The following PINK1 variants were observed in gnomAD, a reference collection of about 807,000 sequenced individuals.
PINK1 encodes serine/threonine-protein kinase PINK1, mitochondrial.
A neutral mutation model predicts 56.0 loss-of-function variants in PINK1; 58 were observed. That is an observed-to-expected ratio of 1.04 (90% CI 0.84 to 1.29). The LOEUF (loss-of-function observed/expected upper bound fraction) is 1.29, where lower values mean the gene tolerates loss of function less well. Ranked by LOEUF, PINK1 falls within the 50% of genes most tolerant of loss-of-function variation. The probability of loss-of-function intolerance (pLI) is 0.00; values close to 1 mark genes in which losing one functional copy is unlikely to be tolerated. For synonymous variants in PINK1, 354 were observed against 339.3 expected, an observed-to-expected ratio of 1.04 and a Z score of -0.48; for missense variants, 745 against 777.9, an observed-to-expected ratio of 0.96 and a Z score of 0.50.
chr1:20,638,220 G>C, intron 2 of PINK1, 91 bp downstream of exon 2: 1 of 1,449,480 alleles, frequency 6.9e-7, no homozygotes, highest in South Asian at 1.2e-5. Context: ...GAAGTAGGTA[G>C]GAAAAGACAG....
rs1236879959 is a variant in PINK1 at position 20,644,757 on chromosome 1, AG to A, written c.959+90del. ...CCTGCCCTCCATGTGCACCTTGATC[AG>A]GGGGTTTTGGAGAACAGGGTCATCA... is the stretch of plus-strand genomic sequence containing the variant. On this transcript the variant is annotated intron_variant, in intron 4 of 7. Transcript: ENST00000321556. 20 of 1,529,216 alleles carry A rather than the reference AG, an allele frequency of 1.3e-5. No individual in the cohort carries two copies. In the African/African-American group the frequency reaches 2.6e-4, roughly 20 times the overall value. 94.7% of individuals were successfully genotyped at this position (1,529,216 alleles called of 1,614,324 possible). A position where few individuals can be genotyped will look rare whatever the true frequency, so the allele number is the denominator to read the frequency against.
chr1:20,650,359 C>T (rs899440795), intron 7 of PINK1, 75 bp from the exon 8 acceptor site: 4 of 1,584,540 alleles, frequency 2.5e-6, no homozygotes, highest in Non-Finnish European at 3.4e-6. Flanking sequence ...AGGGAAGACC[C>T]TCACTAACAA....
chr1:20,645,492 A>AAG, intron 4 of PINK1, 68 bp from the exon 5 acceptor site: 5 of 1,467,302 alleles, frequency 3.4e-6, no homozygotes, highest in Non-Finnish European at 4.6e-6. Context: ...CATCTCAAAA[A>AAG]AAAAAAAAAA....
rs140035826 is a variant in PINK1 at position 20,637,336 on chromosome 1, A to T, written c.388-506A>T. Among the ~76,000 whole-genome samples, 3 of 149,302 alleles carry T rather than the reference A, an allele frequency of 2.0e-5. No homozygotes were observed. The East Asian group carries it at 6.0e-4, about 30-fold the overall frequency. On this transcript the variant is annotated intron_variant, in intron 1 of 7. Coordinates refer to ENST00000321556, the MANE Select transcript of PINK1 (RefSeq NM_032409.3). ...CTACCTTTCTGGACAGAGTAGCCTC[A>T]TCGGGGCCCTAAGAGGCAGAGAGAG...
At chr1:20,646,421 A>G (rs3121681) in intron 5 of PINK1, among the ~76,000 whole-genome samples, 127,760 of 151,970 alleles carry the variant, frequency 0.84, 53,980 homozygotes, top group Middle Eastern at 0.9. Context: ...TGAGGCGGGC[A>G]GATCATGAGG....
Position 20,641,256 on chromosome 1 carries a change from T to G in PINK1, c.776+1264T>G, listed in dbSNP as rs1225177541. 6.6e-6 allele frequency among the ~76,000 whole-genome samples: 1 copy of G among 152,012 alleles called. No homozygotes were observed. Among genetic ancestry groups the G allele is most frequent in the Non-Finnish European group, 1.5e-5 (1 of 67,992 alleles). On this transcript the variant is annotated intron_variant, in intron 3 of 7. Coordinates refer to ENST00000321556, the MANE Select transcript of PINK1 (RefSeq NM_032409.3). This position sits in a 1 kb window ranked among gnomAD's most constrained non-coding sequence, Gnocchi z 4.0. ...GGTAGCTGCTCAAGTGGCTGCTGCT[T>G]CTCCTGAGGCCTTTTTGGAGAAAGT...
At position 20,649,231 on chromosome 1, in the gene PINK1, G is replaced by C; in HGVS notation, c.1488G>C (p.Lys496Asn). Residue 496 changes from lysine (K) to asparagine (N), a missense_variant and splice_region_variant, in exon 7 of 8, where the codon AAG (lysine) becomes AAC (asparagine). Physicochemically the swap from Lys to Asn is moderately conservative, Grantham distance 94. Coordinates refer to ENST00000321556, the MANE Select transcript of PINK1 (RefSeq NM_032409.3). ...VRALLQREAS[K>N]RPSARVAANV... ...CACTGCTCCAGCGAGAGGCCAGCAAGGTGAGGCTGTCCCCGGCTTCGAGGG... is the reference window on the plus strand; with the variant it reads ...CACTGCTCCAGCGAGAGGCCAGCAACGTGAGGCTGTCCCCGGCTTCGAGGG... The C allele has an allele frequency of 6.2e-7, 1 of 1,613,964 alleles. No homozygotes were observed. Among genetic ancestry groups the C allele is most frequent in the Non-Finnish European group, 8.5e-7 (1 of 1,179,888 alleles).
In PINK1 at chr1:20,641,336, T is replaced by G. The variant is rs549846178; in HGVS notation, c.776+1344T>G. On this transcript the variant is annotated intron_variant, in intron 3 of 7. Transcript: ENST00000321556. This position sits in a 1 kb window ranked among gnomAD's most constrained non-coding sequence, Gnocchi z 4.0. ...TAACATGATCCTTGATGCCTCCTTT[T>G]GTGGCATGAGTGGCAGCCGGCCGAC... 7.2e-5 allele frequency among the ~76,000 whole-genome samples: 11 copies of G among 152,260 alleles called. No homozygotes were observed. In the South Asian group the frequency reaches 2.1e-3, roughly 29 times the overall value.
rs180939187 is a variant in PINK1, at chr1:20,635,487, C to G, written c.387+1552C>G. Among the ~76,000 whole-genome samples the G allele has an allele frequency of 2.5e-4, 37 of 149,328 alleles. No individual in the cohort carries two copies. In the East Asian group the frequency reaches 5.9e-3, roughly 24 times the overall value. ...CTGCACTCCAGCCTGGGTGACAGAG[C>G]AAGACTCTGACTGGGGGGAGAAAAA... is the stretch of plus-strand genomic sequence containing the variant. On this transcript the variant is annotated intron_variant, in intron 1 of 7. Coordinates refer to ENST00000321556, the MANE Select transcript of PINK1 (RefSeq NM_032409.3).
chr1:20,650,810 C>A lies in PINK1; in HGVS notation c.*119C>A. ...AGACAGCGCAGAGAGGGCTGGTTAG[C>A]CGGAAAAGGCCTCGGGCTTGGCAAA... On this transcript the variant is annotated 3_prime_UTR_variant, in exon 8 of 8. Coordinates refer to ENST00000321556, the MANE Select transcript of PINK1 (RefSeq NM_032409.3). 1 of 1,350,306 alleles carries A rather than the reference C, an allele frequency of 7.4e-7. No individual in the cohort carries two copies. Among genetic ancestry groups the A allele is most frequent in the Non-Finnish European group, 1.0e-6 (1 of 979,310 alleles). The allele number at this position is 1,350,306 out of a possible 1,614,324, so 83.6% of individuals were successfully genotyped here.
chr1:20,647,116 G>A (rs1367459672), intron 5 of PINK1, among the ~76,000 whole-genome samples: 2 of 146,626 alleles, frequency 1.4e-5, no homozygotes, highest in Non-Finnish European at 3.0e-5. Flanking sequence ...GAGTGCAATG[G>A]CATGATCTCG....
intron 3 of PINK1, among the ~76,000 whole-genome samples, chr1:20,640,476 G>A (rs1369573566): frequency 1.3e-5 from 2 of 152,178 alleles, no homozygotes; most frequent in East Asian, 1.9e-4. Context: ...TGCTAGAATC[G>A]AGTATGCTTG....
In PINK1 at chr1:20,650,752, T is replaced by C; in HGVS notation, c.*61T>C. The stretch of plus-strand genomic sequence containing the variant: ...CATGGCATCCTCTGTGTCGTGATGG[T>C]CTGTGAATGGTGAGGGTGGGAGTCA... On this transcript the variant is annotated 3_prime_UTR_variant, in exon 8 of 8. Transcript: ENST00000321556. 1 of 1,582,524 alleles carries C rather than the reference T, an allele frequency of 6.3e-7. No homozygotes were observed. The highest frequency in any genetic ancestry group is 8.6e-7 in the Non-Finnish European group (1 of 1,168,426).
intron 7 of PINK1, 123 bp from the exon 8 acceptor site, chr1:20,650,311 G>A (rs1256688863): frequency 7.7e-7 from 1 of 1,305,722 alleles, no homozygotes. Flanking sequence ...GCATCAGTAG[G>A]AGATAGGGTA....
intron 5 of PINK1, chr1:20,648,168 CA>C: frequency 2.8e-6 from 1 of 356,624 alleles, no homozygotes; most frequent in Non-Finnish European, 5.4e-6. Context: ...AAATTCAAAT[CA>C]AAGTCTCCTG....
intron 2 of PINK1, chr1:20,639,558 TG>T: frequency 2.6e-6 from 1 of 379,310 alleles, no homozygotes; most frequent in Non-Finnish European, 5.1e-6. Flanking sequence ...AGTGATCCAG[TG>T]GTCAATTTTG....
At chr1:20,642,257 A>G (rs750817015) in intron 3 of PINK1, among the ~76,000 whole-genome samples, 1 of 152,224 alleles carries the variant, frequency 6.6e-6, no homozygotes, top group Non-Finnish European at 1.5e-5. Context: ...AGAAGCAGTC[A>G]CACTGGATTT....
chr1:20,644,789 C>A, intron 4 of PINK1, 117 bp downstream of exon 4: 1 of 1,337,620 alleles, frequency 7.5e-7, no homozygotes, highest in South Asian at 1.3e-5. Flanking sequence ...CATCACCCTT[C>A]CGGAGAAGAA....
chr1:20,648,346 C>G, intron 5 of PINK1, 159 bp from the exon 6 acceptor site: 1 of 1,051,834 alleles, frequency 9.5e-7, no homozygotes, highest in East Asian at 2.6e-5. Context: ...ACAGCAGGCC[C>G]TTCTGATCAG....
Sources: gnomAD v4.1 joint callset for allele counts (sites outside exome capture counted in the v4.1 genomes callset) on GRCh38, gnomAD v4.1.1 for gene constraint, Gnocchi (gnomAD v3.1) non-coding constraint, MANE v1.5 for transcripts, NCBI Gene and HGNC (gene_info 2026-07-23, HGNC 2026-07-21) for gene names.